The following TMEM154 variants were observed in gnomAD, a reference collection of about 807,000 sequenced individuals.
TMEM154 encodes transmembrane protein 154.
A neutral mutation model predicts 24.5 loss-of-function variants in TMEM154; 27 were observed. The ratio of observed to expected loss-of-function variants is 1.10; its 90% CI spans 0.81 to 1.52. The LOEUF (loss-of-function observed/expected upper bound fraction) is 1.52, where lower values mean the gene tolerates loss of function less well. TMEM154 is among the 40% of genes most tolerant of loss of function. The pLI, the probability that TMEM154 is intolerant of heterozygous loss-of-function variation, is 0.00. For missense variants in TMEM154, 228 were observed against 213.4 expected, an observed-to-expected ratio of 1.07 and a Z score of -0.43; for synonymous variants, 67 against 76.8, an observed-to-expected ratio of 0.87 and a Z score of 0.67.
rs1421542037 is a variant in TMEM154, at chr4:152,619,721, G to C, written c.*8825C>G. 2.6e-5 allele frequency: 4 copies of C among 152,226 alleles called. No homozygotes were observed. Among genetic ancestry groups the C allele is most frequent in the African/African-American group, 4.8e-5 (2 of 41,438 alleles). 9.4% of individuals were successfully genotyped at this position (152,226 alleles called of 1,614,324 possible). A position where few individuals can be genotyped will look rare whatever the true frequency, so the allele number is the denominator to read the frequency against. On this transcript the variant is annotated 3_prime_UTR_variant, in exon 7 of 7. Coordinates refer to ENST00000304385, the MANE Select transcript of TMEM154 (RefSeq NM_152680.3). ...GCCAAGGCCGCTGGACCACAGGCTT[G>C]GCTGGGCTCCTATCCGACAGCCAGA...
rs1647502245 is a variant in TMEM154, at chr4:152,622,415, A to G, written c.*6131T>C. 1 of 152,164 alleles carries G rather than the reference A, an allele frequency of 6.6e-6. No individual in the cohort carries two copies. Among genetic ancestry groups the G allele is most frequent in the South Asian group, 2.1e-4 (1 of 4,834 alleles). 9.4% of individuals were successfully genotyped at this position (152,164 alleles called of 1,614,324 possible). ...ATTAAAAGAACTTTTCCTTAGAAAGATGCATAATTCACCTCTACTCTTAGT... is the reference window on the plus strand; with the variant it reads ...ATTAAAAGAACTTTTCCTTAGAAAGGTGCATAATTCACCTCTACTCTTAGT... On this transcript the variant is annotated 3_prime_UTR_variant, in exon 7 of 7. Transcript: ENST00000304385.
rs774432242 is a variant in TMEM154, at chr4:152,643,163, C to G, written c.403G>C (p.Glu135Gln). 6.2e-7 allele frequency: 1 copy of G among 1,607,596 alleles called. No homozygotes were observed. The highest frequency in any genetic ancestry group is 8.5e-7 in the Non-Finnish European group (1 of 1,177,798). Reference sequence around the variant, plus strand: ...TCCATAACAGAGGGTGTATCTTCCTCAAAAATAGGGCTAGAAATAGAGAGC... The same window carrying G: ...TCCATAACAGAGGGTGTATCTTCCTGAAAAATAGGGCTAGAAATAGAGAGC... ...GSENVKVPIF[E>Q]EDTPSVMEIE... Residue 135 changes from glutamate to glutamine, a missense_variant, in exon 5 of 7, where the codon GAG becomes CAG. By Grantham distance (29) the Glu-to-Gln change is conservative (BLOSUM62 2). Transcript: ENST00000304385.
intron 1 of TMEM154, among the ~76,000 whole-genome samples, chr4:152,661,329 TCTCTCTCTC>T (rs1728605003): frequency 4.9e-4 from 58 of 118,858 alleles, no homozygotes; most frequent in African/African-American, 1.5e-3. Flanking sequence ...TCTCTCTCTC[TCTCTCTCTC>T]TCTCCCCCCA....
chr4:152,679,713 A>C (rs1729022063), intron 1 of TMEM154, 157 bp downstream of exon 1: 2 of 504,034 alleles, frequency 4.0e-6, no homozygotes, highest in Non-Finnish European at 2.6e-6. Context: ...TCTCCATCCC[A>C]CCCCCCAAAA....
intron 3 of TMEM154, chr4:152,646,958 C>T (rs1195372704): frequency 1.4e-6 from 1 of 703,990 alleles, no homozygotes; most frequent in South Asian, 1.5e-5. Flanking sequence ...AGAGACCTCA[C>T]ACATCAAGAC....
chr4:152,640,962 A>G lies in TMEM154; in HGVS notation c.502T>C (p.Leu168=), dbSNP rs1156291771. 3 of 1,610,612 alleles carry G rather than the reference A, an allele frequency of 1.9e-6. No homozygotes were observed. Among genetic ancestry groups the G allele is most frequent in the East Asian group, 4.5e-5 (2 of 44,570 alleles). The stretch of plus-strand genomic sequence containing the variant: ...TGATTTGATTCCTTCTCTTCCTTCA[A>G]GGTAGGTAAACATTCAAAGTCGGCT... ...RNADFECLPT[L]KEEKESNHNP... is the part of the protein sequence containing the mutation. The change falls in exon 6 of 7, where the codon TTG becomes CTG. Residue 168 remains leucine, a synonymous_variant. Transcript: ENST00000304385.
At chr4:152,640,223 T>C (rs1188082539) in intron 6 of TMEM154, among the ~76,000 whole-genome samples, 2 of 152,170 alleles carry the variant, frequency 1.3e-5, no homozygotes, top group Non-Finnish European at 2.9e-5. Context: ...CGGGTGTCCA[T>C]GAGTGTTTGC....
At chr4:152,661,267 T>A (rs1285683168) in intron 1 of TMEM154, among the ~76,000 whole-genome samples, 2 of 143,748 alleles carry the variant, frequency 1.4e-5, no homozygotes, top group Non-Finnish European at 3.0e-5. Flanking sequence ...TAAATGAGAA[T>A]CAAGGGATTG....
intron 5 of TMEM154, among the ~76,000 whole-genome samples, chr4:152,642,249 G>A (rs1752273328): frequency 6.6e-6 from 1 of 152,100 alleles, no homozygotes; most frequent in South Asian, 2.1e-4. Context: ...ACCAGTCTCT[G>A]AATTTTCTAA....
intron 3 of TMEM154, chr4:152,646,488 T>G (rs77650862): frequency 0.011 from 1,784 of 156,862 alleles, 22 homozygotes; most frequent in African/African-American, 0.034. Flanking sequence ...ACCAATTACT[T>G]GTCCTCAGCA....
chr4:152,664,843 C>T (rs1728684135), intron 1 of TMEM154, among the ~76,000 whole-genome samples: 1 of 152,196 alleles, frequency 6.6e-6, no homozygotes, highest in South Asian at 2.1e-4. Flanking sequence ...TCAAACTCTT[C>T]CCTGCGTTGT....
intron 6 of TMEM154, among the ~76,000 whole-genome samples, chr4:152,640,128 G>A (rs1752228809): frequency 6.6e-6 from 1 of 152,198 alleles, no homozygotes; most frequent in Admixed American, 6.5e-5. Flanking sequence ...CATGGAGGGA[G>A]AGGATTTATC....
chr4:152,643,511 C>G (rs1752296108), intron 4 of TMEM154, among the ~76,000 whole-genome samples: 1 of 152,218 alleles, frequency 6.6e-6, no homozygotes, highest in African/African-American at 2.4e-5. Context: ...CGGGGAGTTG[C>G]CATATGAAGC....
intron 6 of TMEM154, among the ~76,000 whole-genome samples, chr4:152,640,125 G>A (rs1752228729): frequency 6.6e-6 from 1 of 152,158 alleles, no homozygotes; most frequent in South Asian, 2.1e-4. Context: ...GAACATGGAG[G>A]GAGAGGATTT....
At position 152,627,220 on chromosome 4, in the gene TMEM154, C is replaced by A. The variant is rs993419829; in HGVS notation, c.*1326G>T. On this transcript the variant is annotated 3_prime_UTR_variant, in exon 7 of 7. Coordinates refer to ENST00000304385, the MANE Select transcript of TMEM154 (RefSeq NM_152680.3). ...AAGTAGTTTTTGTTATGCATTAGGGCAGACTTTCAAGCACAAGACACAAAA... is the reference window on the plus strand; with the variant it reads ...AAGTAGTTTTTGTTATGCATTAGGGAAGACTTTCAAGCACAAGACACAAAA... 4 of 152,222 alleles carry A rather than the reference C, an allele frequency of 2.6e-5. No homozygotes were observed. The highest frequency in any genetic ancestry group is 2.6e-4 in the Admixed American group (4 of 15,284). 9.4% of individuals were successfully genotyped at this position (152,222 alleles called of 1,614,324 possible).
At chr4:152,658,094 A>T (rs1728525337) in intron 1 of TMEM154, among the ~76,000 whole-genome samples, 2 of 152,220 alleles carry the variant, frequency 1.3e-5, no homozygotes, top group African/African-American at 4.8e-5. Context: ...ATCTTCTCAG[A>T]CCACAACAGA....
Position 152,679,864 on chromosome 4 carries a change from G to C in TMEM154, c.64+6C>G, listed in dbSNP as rs200601350. 995 of 1,605,766 alleles carry C rather than the reference G, an allele frequency of 6.2e-4. 16 individuals are homozygous for C. In the South Asian group the frequency reaches 0.011, roughly 17 times the overall value. On this transcript the variant is annotated splice_donor_region_variant and intron_variant, in intron 1 of 6. Transcript: ENST00000304385. ...TTCCCAGGAGTAGGAAGTGGAGGCG[G>C]CTTACCCCGGCCGACGGGAACGAGC...
intron 6 of TMEM154, among the ~76,000 whole-genome samples, chr4:152,633,422 G>C (rs532734698): frequency 6.6e-6 from 1 of 152,152 alleles, no homozygotes. Context: ...CCTTTATTTA[G>C]TTAGATATGT....
At chr4:152,664,923 T>C (rs141539549) in intron 1 of TMEM154, among the ~76,000 whole-genome samples, 1 of 146,536 alleles carries the variant, frequency 6.8e-6, no homozygotes, top group East Asian at 2.0e-4. Flanking sequence ...TCCTTTTCAT[T>C]CTCCTGTATA....
Sources: gnomAD v4.1 joint callset for allele counts (sites outside exome capture counted in the v4.1 genomes callset) on GRCh38, gnomAD v4.1.1 for gene constraint, MANE v1.5 for transcripts, NCBI Gene and HGNC (gene_info 2026-07-23, HGNC 2026-07-21) for gene names.